Variants in CFDP1 observed in about 807,000 individuals in gnomAD.
CFDP1 encodes heterochromatin-stabilizing protein CFDP1.
Under a neutral mutation model 40.1 loss-of-function variants are expected in CFDP1, and 31 were observed. That is an observed-to-expected ratio of 0.77 (90% CI 0.58 to 1.04). The LOEUF (loss-of-function observed/expected upper bound fraction) is 1.04, where lower values mean the gene tolerates loss of function less well. CFDP1 is among the 50% of genes least tolerant of loss of function. The pLI is 0.00. For missense variants in CFDP1, 423 were observed against 343.4 expected, an observed-to-expected ratio of 1.23 and a Z score of -1.83; for synonymous variants, 167 against 120.0, an observed-to-expected ratio of 1.39 and a Z score of -2.56.
chr16:75,331,285 G>T (rs556822264), intron 5 of CFDP1, among the ~76,000 whole-genome samples: 2 of 152,162 alleles, frequency 1.3e-5, no homozygotes, highest in Non-Finnish European at 2.9e-5. Flanking sequence ...TTAAAATTTT[G>T]ATTTTTATTT....
chr16:75,419,042 C>G, intron 1 of CFDP1: 1 of 410,900 alleles, frequency 2.4e-6, no homozygotes, highest in Non-Finnish European at 5.0e-6. Flanking sequence ...ACTGGGGAGG[C>G]TGAGGCAGGA....
intron 5 of CFDP1, among the ~76,000 whole-genome samples, chr16:75,361,274 G>C (rs1386327968): frequency 1.3e-5 from 2 of 152,160 alleles, no homozygotes; most frequent in Non-Finnish European, 2.9e-5. Context: ...GTCTCCCAAA[G>C]TGCTGTGATT....
At chr16:75,328,215 C>G (rs534612504) in intron 5 of CFDP1, among the ~76,000 whole-genome samples, 1 of 150,174 alleles carries the variant, frequency 6.7e-6, no homozygotes, top group Non-Finnish European at 1.5e-5. Flanking sequence ...AACTCCTGGC[C>G]TCAGGCAATC....
At chr16:75,322,708 G>A (rs938173391) in intron 5 of CFDP1, among the ~76,000 whole-genome samples, 1 of 151,572 alleles carries the variant, frequency 6.6e-6, no homozygotes, top group Admixed American at 6.6e-5. Flanking sequence ...GGAGCATTTC[G>A]AATTTTGAAT....
At chr16:75,348,857 C>G (rs1373584543) in intron 5 of CFDP1, among the ~76,000 whole-genome samples, 1 of 152,122 alleles carries the variant, frequency 6.6e-6, no homozygotes, top group African/African-American at 2.4e-5. Context: ...GTAAATGGAA[C>G]TGTCTCCATT....
intron 4 of CFDP1, among the ~76,000 whole-genome samples, chr16:75,403,154 G>C (rs140178324): frequency 0.012 from 1,806 of 152,256 alleles, 21 homozygotes; most frequent in Non-Finnish European, 0.014. Flanking sequence ...AAATGAAATA[G>C]GAAATTTGCA....
At chr16:75,352,234 G>C (rs1473439203) in intron 5 of CFDP1, among the ~76,000 whole-genome samples, 1 of 151,628 alleles carries the variant, frequency 6.6e-6, no homozygotes. Flanking sequence ...CCAGCTACTG[G>C]GGAAGGTGAG....
At chr16:75,314,141 T>C (rs8062841) in intron 5 of CFDP1, among the ~76,000 whole-genome samples, 32,192 of 152,008 alleles carry the variant, frequency 0.21, 3,751 homozygotes, top group African/African-American at 0.31. Flanking sequence ...CGCCTCAGCC[T>C]CCCAAAGTGC....
chr16:75,296,892 T>C (rs2078185874), intron 6 of CFDP1, among the ~76,000 whole-genome samples: 1 of 152,202 alleles, frequency 6.6e-6, no homozygotes, highest in South Asian at 2.1e-4. Context: ...ACAAAACTAC[T>C]TGATATGGAC....
chr16:75,296,928 G>T (rs910313480), intron 6 of CFDP1, among the ~76,000 whole-genome samples: 1 of 152,158 alleles, frequency 6.6e-6, no homozygotes, highest in African/African-American at 2.4e-5. Context: ...AGACAGAAAA[G>T]GTACTAAGAA....
In CFDP1 at chr16:75,351,142, T is replaced by C. The variant is rs1341856803; in HGVS notation, c.650+43948A>G. 2.0e-5 allele frequency among the ~76,000 whole-genome samples: 3 copies of C among 152,226 alleles called. No individual in the cohort carries two copies. In the East Asian group the frequency reaches 5.8e-4, roughly 29 times the overall value. On this transcript the variant is annotated intron_variant, in intron 5 of 6. Coordinates refer to ENST00000283882, the MANE Select transcript of CFDP1 (RefSeq NM_006324.3). ...TCTCATCATTCCGGTGTTTTGTTCTTAGGAAGGTAGAAGCTTCAGATTTAA... is the reference window on the plus strand; with the variant it reads ...TCTCATCATTCCGGTGTTTTGTTCTCAGGAAGGTAGAAGCTTCAGATTTAA...
chr16:75,367,929 ACT>A (rs1220977984), intron 5 of CFDP1, among the ~76,000 whole-genome samples: 1 of 150,840 alleles, frequency 6.6e-6, no homozygotes, highest in Non-Finnish European at 1.5e-5. Context: ...ACATGGTGAA[ACT>A]CTGCCTCTAC....
chr16:75,428,838 CA>C (rs1436005968), intron 1 of CFDP1, among the ~76,000 whole-genome samples: 9 of 151,234 alleles, frequency 6.0e-5, no homozygotes, highest in African/African-American at 2.2e-4. Context: ...GGGAACAGGC[CA>C]GGCGTAGAGG....
Position 75,433,430 on chromosome 16 carries a change from A to C in CFDP1, c.-78T>G. 7.0e-7 allele frequency: 1 copy of C among 1,424,230 alleles called. No homozygotes were observed. The highest frequency in any genetic ancestry group is 9.6e-7 in the Non-Finnish European group (1 of 1,041,438). 88.2% of individuals were successfully genotyped at this position (1,424,230 alleles called of 1,614,324 possible). On this transcript the variant is annotated 5_prime_UTR_variant, in exon 1 of 7. The change abolishes an upstream ATG in the 5' untranslated region. Transcript: ENST00000283882. ...AACGGCAAAGCTCTAGGGAGAGACC[A>C]TAGAGCCCCGGCGGCGGCGACGGCA...
At chr16:75,404,793 G>A (rs1040506669) in intron 4 of CFDP1, among the ~76,000 whole-genome samples, 6 of 151,930 alleles carry the variant, frequency 3.9e-5, no homozygotes, top group Non-Finnish European at 1.5e-5. Context: ...AAGACCAAAT[G>A]CAAAATCAAC....
intron 5 of CFDP1, among the ~76,000 whole-genome samples, chr16:75,365,029 T>C (rs2078704349): frequency 6.6e-6 from 1 of 152,222 alleles, no homozygotes; most frequent in Non-Finnish European, 1.5e-5. Context: ...TAATGTGTTG[T>C]GGATTATTTG....
chr16:75,378,027 G>C (rs1202184445), intron 5 of CFDP1, among the ~76,000 whole-genome samples: 1 of 152,174 alleles, frequency 6.6e-6, no homozygotes, highest in Non-Finnish European at 1.5e-5. Context: ...ACAACCAAGA[G>C]TTTCTTGTTA....
intron 5 of CFDP1, among the ~76,000 whole-genome samples, chr16:75,390,737 G>C (rs1280717560): frequency 6.6e-6 from 1 of 152,196 alleles, no homozygotes; most frequent in South Asian, 2.1e-4. Flanking sequence ...CTTCCCTCTG[G>C]GGGAAGTCCA....
At chr16:75,403,224 T>C (rs1455899136) in intron 4 of CFDP1, among the ~76,000 whole-genome samples, 1 of 152,114 alleles carries the variant, frequency 6.6e-6, no homozygotes, top group Non-Finnish European at 1.5e-5. Flanking sequence ...ACCGAAAATT[T>C]ATGACTTTTT....
Sources: gnomAD v4.1 joint callset for allele counts (sites outside exome capture counted in the v4.1 genomes callset) on GRCh38, gnomAD v4.1.1 for gene constraint, MANE v1.5 for transcripts, NCBI Gene and HGNC (gene_info 2026-07-23, HGNC 2026-07-21) for gene names.